Variants in TUT7 observed in about 807,000 individuals in gnomAD.
The protein encoded by TUT7 is terminal uridylyl transferase 7, also known as terminal uridylyltransferase 7.
In TUT7, 33 loss-of-function variants were observed where a neutral mutation model predicts 165.9. The observed-to-expected ratio is 0.20, with a 90% CI of 0.15 to 0.27. The LOEUF (loss-of-function observed/expected upper bound fraction) is 0.27. Ranked by LOEUF, TUT7 falls within the 10% of genes least tolerant of loss-of-function variation. The pLI, the probability that TUT7 is intolerant of heterozygous loss-of-function variation, is 1.00. For missense variants in TUT7, 1,338 were observed against 1,762.3 expected (o/e 0.76, Z 4.31); for synonymous variants, 552 against 608.1 (o/e 0.91, Z 1.36).
chr9:86,288,604 G>A lies in TUT7; in HGVS notation c.*73C>T. The A allele has an allele frequency of 8.4e-7, 1 of 1,191,204 alleles. No homozygotes were observed. Among genetic ancestry groups the A allele is most frequent in the Admixed American group, 1.7e-5 (1 of 57,370 alleles). 73.8% of individuals were successfully genotyped at this position (1,191,204 alleles called of 1,614,324 possible). ...AGCCTGATCTACACTGCTGTGTCCTGTGAAATGAACCTAATTTTCCGAGTG... is the reference window on the plus strand; with the variant it reads ...AGCCTGATCTACACTGCTGTGTCCTATGAAATGAACCTAATTTTCCGAGTG... On this transcript the variant is annotated 3_prime_UTR_variant, in exon 27 of 27. Transcript: ENST00000375963.
intron 1 of TUT7, 25 bp from the exon 2 acceptor site, chr9:86,353,255 T>C (rs1832455525): frequency 2.0e-6 from 3 of 1,486,866 alleles, no homozygotes; most frequent in African/African-American, 1.4e-5. Flanking sequence ...TTTGGGGAAA[T>C]ATCAAACTAT....
chr9:86,322,882 G>T lies in TUT7; in HGVS notation c.2868C>A (p.Thr956=). ...FFYEFSKLIF[T]KGKSPTVVCS... ...TGGTGGTACTGATTACCTTGCCTTT[G>T]GTGAAGATAAGTTTACTGAATTCAT... The change falls in exon 13 of 27, where the codon ACC becomes ACA. Residue 956 remains threonine (T), a synonymous_variant. Coordinates refer to ENST00000375963, the MANE Select transcript of TUT7 (RefSeq NM_024617.4). The T allele has an allele frequency of 6.3e-7, 1 of 1,594,424 alleles. No homozygotes were observed. Among genetic ancestry groups the T allele is most frequent in the South Asian group, 1.2e-5 (1 of 86,656 alleles).
chr9:86,338,583 T>A (rs560187084), intron 9 of TUT7, among the ~76,000 whole-genome samples: 12 of 152,310 alleles, frequency 7.9e-5, no homozygotes, highest in African/African-American at 2.9e-4. Flanking sequence ...GAGATTTAAC[T>A]CACAAATCTG....
In TUT7 at chr9:86,316,713, C is replaced by T. The variant is rs12346114; in HGVS notation, c.3274+506G>A. ...CCAATTCCTCAGTCTTTCATACTTACGCATACAAGATTTTAAAAAGACATT... is the reference window on the plus strand; with the variant it reads ...CCAATTCCTCAGTCTTTCATACTTATGCATACAAGATTTTAAAAAGACATT... On this transcript the variant is annotated intron_variant, in intron 17 of 26. Transcript: ENST00000375963. Among the ~76,000 whole-genome samples the T allele has an allele frequency of 6.6e-5, 10 of 152,214 alleles. No homozygotes were observed. In the South Asian group the frequency reaches 1.2e-3, roughly 19 times the overall value.
intron 22 of TUT7, 70 bp downstream of exon 22, chr9:86,308,359 G>A (rs1703357084): frequency 7.1e-7 from 1 of 1,399,440 alleles, no homozygotes; most frequent in Non-Finnish European, 9.7e-7. Flanking sequence ...GCTCTGCAAG[G>A]AGGAAGAACA....
At chr9:86,343,276 G>C (rs977266951) in intron 5 of TUT7, 113 bp from the exon 6 acceptor site, 1 of 603,680 alleles carries the variant, frequency 1.7e-6, no homozygotes, top group Non-Finnish European at 2.6e-6. Flanking sequence ...ACACACAAAA[G>C]CAAACTTGTA....
At chr9:86,301,068 A>G (rs537254854) in intron 26 of TUT7, among the ~76,000 whole-genome samples, 235 of 152,338 alleles carry the variant, frequency 1.5e-3, no homozygotes, top group Non-Finnish European at 2.7e-3. Flanking sequence ...AATGACTCTC[A>G]TAAGACTCTA....
intron 10 of TUT7, among the ~76,000 whole-genome samples, chr9:86,328,898 G>A (rs1041340342): frequency 6.6e-6 from 1 of 152,096 alleles, no homozygotes; most frequent in Non-Finnish European, 1.5e-5. Context: ...TCCTTCATGG[G>A]ATGGTTATGA....
intron 26 of TUT7, among the ~76,000 whole-genome samples, chr9:86,295,726 G>A (rs1826253629): frequency 6.6e-6 from 1 of 152,008 alleles, no homozygotes; most frequent in African/African-American, 2.4e-5. Context: ...AATGATAAAA[G>A]CTGTAAAAGA....
intron 10 of TUT7, among the ~76,000 whole-genome samples, chr9:86,334,637 G>A (rs1830610829): frequency 6.6e-6 from 1 of 152,038 alleles, no homozygotes; most frequent in African/African-American, 2.4e-5. Flanking sequence ...TTTTTCTTGT[G>A]AGGATGAGAG....
intron 26 of TUT7, among the ~76,000 whole-genome samples, chr9:86,300,946 T>C (rs1214496084): frequency 6.6e-6 from 1 of 152,214 alleles, no homozygotes; most frequent in East Asian, 1.9e-4. Flanking sequence ...AGTACATATA[T>C]CAAGTAGCAA....
At chr9:86,349,975 T>C (rs946063210) in intron 2 of TUT7, among the ~76,000 whole-genome samples, 4 of 152,208 alleles carry the variant, frequency 2.6e-5, no homozygotes, top group African/African-American at 9.6e-5. Context: ...AAAGTTTTTG[T>C]GGTCAGCCAA....
intron 24 of TUT7, 117 bp from the exon 25 acceptor site, chr9:86,303,318 T>C (rs1827124173): frequency 1.5e-5 from 8 of 529,944 alleles, no homozygotes; most frequent in Non-Finnish European, 2.0e-5. Flanking sequence ...TTACTTTTAA[T>C]AAATATTATT....
At chr9:86,334,094 C>A (rs1344802647) in intron 10 of TUT7, among the ~76,000 whole-genome samples, 2 of 151,786 alleles carry the variant, frequency 1.3e-5, no homozygotes, top group Non-Finnish European at 2.9e-5. Flanking sequence ...TCCCAGTTCT[C>A]CTACTACCAC....
At chr9:86,344,759 G>C (rs1229027397) in intron 5 of TUT7, 1 of 514,350 alleles carries the variant, frequency 1.9e-6, no homozygotes, top group Admixed American at 3.9e-5. Context: ...TCACACACAG[G>C]GTAAAATTTA....
chr9:86,328,758 T>C (rs1587956811), intron 10 of TUT7, among the ~76,000 whole-genome samples: 2 of 152,322 alleles, frequency 1.3e-5, no homozygotes, highest in African/African-American at 4.8e-5. Flanking sequence ...GTGGCTGACG[T>C]CATGGGTTCT....
chr9:86,312,686 GA>G (rs1432350932), intron 17 of TUT7, among the ~76,000 whole-genome samples: 4 of 152,222 alleles, frequency 2.6e-5, no homozygotes. Context: ...GAAAGGTGGG[GA>G]AAAGATTGAG....
chr9:86,312,801 C>CTGTG (rs900351836), intron 17 of TUT7, among the ~76,000 whole-genome samples: 16 of 152,190 alleles, frequency 1.1e-4, no homozygotes, highest in Non-Finnish European at 2.1e-4. Context: ...TCCTGTTGAT[C>CTGTG]TGTGACCTTA....
At chr9:86,337,589 A>G (rs748106658) in intron 9 of TUT7, 51 bp from the exon 10 acceptor site, 1 of 1,565,796 alleles carries the variant, frequency 6.4e-7, no homozygotes. Flanking sequence ...TGAATTTGTC[A>G]TTTACACGAT....
Sources: allele counts gnomAD v4.1 joint callset (sites outside exome capture counted in the v4.1 genomes callset), GRCh38; gene constraint gnomAD v4.1.1; transcripts MANE v1.5; gene names NCBI Gene and HGNC (gene_info 2026-07-23, HGNC 2026-07-21).